The following ICA1 variants were observed in gnomAD, a reference collection of about 807,000 sequenced individuals.
ICA1 encodes the protein 69 kDa islet cell autoantigen.
Under a neutral mutation model 71.0 loss-of-function variants are expected in ICA1, and 40 were observed. The observed-to-expected ratio is 0.56, with a 90% confidence interval of 0.44 to 0.73. The LOEUF is 0.73. Ranked by LOEUF, ICA1 falls within the 30% of genes least tolerant of loss-of-function variation. The probability of loss-of-function intolerance (pLI) is 0.00; values close to 1 mark genes in which losing one functional copy is unlikely to be tolerated. For synonymous variants in ICA1, 207 were observed against 209.5 expected (o/e 0.99, Z 0.10); for missense variants, 578 against 576.5 (o/e 1.00, Z -0.03).
chr7:8,128,109 G>A lies in ICA1; in HGVS notation c.1094C>T (p.Pro365Leu). 6.2e-7 allele frequency: 1 copy of A among 1,614,188 alleles called. No individual in the cohort carries two copies. The highest frequency in any genetic ancestry group is 8.5e-7 in the Non-Finnish European group (1 of 1,180,028). Residue 365 changes from proline to leucine, a missense_variant, in exon 13 of 14, where the codon CCT becomes CTT. Coordinates refer to ENST00000402384, the MANE Select transcript of ICA1 (RefSeq NM_001136020.3). Reference sequence around the variant, plus strand: ...CAGGTCATCTTTGTCAGCACCTTCAGGTTCCGGGGTCCCTGCCACTGGTCC... The same window carrying A: ...CAGGTCATCTTTGTCAGCACCTTCAAGTTCCGGGGTCCCTGCCACTGGTCC... Reference protein sequence around the residue: ...CLGPVAGTPEPEGADKDDLLL... With the variant: ...CLGPVAGTPELEGADKDDLLL...
At chr7:8,257,090 T>TA (rs1810485822) in intron 1 of ICA1, among the ~76,000 whole-genome samples, 1 of 152,208 alleles carries the variant, frequency 6.6e-6, no homozygotes, top group Non-Finnish European at 1.5e-5. Context: ...GCTGTTTCAA[T>TA]AAAAACAATC....
intron 13 of ICA1, among the ~76,000 whole-genome samples, chr7:8,126,017 G>A (rs899188445): frequency 6.6e-6 from 1 of 152,224 alleles, no homozygotes; most frequent in Non-Finnish European, 1.5e-5. Flanking sequence ...CAGCCCCACT[G>A]TGGGCACTGA....
Position 8,127,947 on chromosome 7 carries a change from G to C in ICA1, c.1256C>G (p.Ala419Gly). ...AGGAAGGAAACCTGAGCCTGTCTGG[G>C]CCTTGGGGTCTGGCTCTCCCAGGGC... ...TMALGEPDPK[A>G]QTGSGFLPSQ... The change falls in exon 13 of 14, where the codon GCC (alanine) becomes GGC (glycine). Residue 419 changes from alanine (A) to glycine (G), a missense_variant. Transcript: ENST00000402384. 6.2e-7 allele frequency: 1 copy of C among 1,614,206 alleles called. No homozygotes were observed. Among genetic ancestry groups the C allele is most frequent in the South Asian group, 1.1e-5 (1 of 91,090 alleles).
chr7:8,232,407 G>A (rs906704981), intron 3 of ICA1, among the ~76,000 whole-genome samples, 183 bp downstream of exon 3: 2 of 152,176 alleles, frequency 1.3e-5, no homozygotes, highest in Admixed American at 6.5e-5. Context: ...GAGTAACTGA[G>A]GCATGGTGGT....
intron 1 of ICA1, among the ~76,000 whole-genome samples, chr7:8,251,446 G>T (rs1375121893): frequency 1.4e-5 from 2 of 147,864 alleles, no homozygotes; most frequent in Non-Finnish European, 3.0e-5. Flanking sequence ...CAGTAGACTA[G>T]GCAAGTGGCC....
chr7:8,185,617 T>C (rs1783661415), intron 6 of ICA1, among the ~76,000 whole-genome samples: 1 of 152,198 alleles, frequency 6.6e-6, no homozygotes, highest in Non-Finnish European at 1.5e-5. Flanking sequence ...TTAAGAACCA[T>C]CTGCCTGGAG....
chr7:8,169,346 A>G (rs1807407042), intron 6 of ICA1, among the ~76,000 whole-genome samples: 1 of 152,126 alleles, frequency 6.6e-6, no homozygotes, highest in African/African-American at 2.4e-5. Context: ...TCTTTGTGTA[A>G]ACACATTTTT....
Position 8,146,067 on chromosome 7 carries a change from G to C in ICA1, c.805-2095C>G, listed in dbSNP as rs146268809. Among the ~76,000 whole-genome samples the C allele has an allele frequency of 1.9e-3, 291 of 152,258 alleles. 1 individual carries two copies. The highest frequency in any genetic ancestry group is 6.6e-3 in the African/African-American group (276 of 41,566). ...AATGACTCCTATTTCTGGACATTTA[G>C]ATTAGTTCATTCAGTTAACAAATAG... On this transcript the variant is annotated intron_variant, in intron 8 of 13. Coordinates refer to ENST00000402384, the MANE Select transcript of ICA1 (RefSeq NM_001136020.3).
rs770445891 is a variant in ICA1 at position 8,143,981 on chromosome 7, C to T, written c.805-9G>A. The T allele has an allele frequency of 1.0e-5, 14 of 1,381,570 alleles. No homozygotes were observed. The highest frequency in any genetic ancestry group is 5.7e-5 in the Admixed American group (3 of 52,632). The allele number at this position is 1,381,570 out of a possible 1,614,324, so 85.6% of individuals were successfully genotyped here. The stretch of plus-strand genomic sequence containing the variant: ...ATAGGGTCTTGTAAGCTCTTGATCA[C>T]GAGCCATAGAAAAATGAAAAAGAAA... On this transcript the variant is annotated splice_polypyrimidine_tract_variant and intron_variant, in intron 8 of 13. Transcript: ENST00000402384.
intron 13 of ICA1, among the ~76,000 whole-genome samples, chr7:8,122,764 C>A (rs967298181): frequency 3.9e-5 from 6 of 152,210 alleles, no homozygotes; most frequent in Non-Finnish European, 7.3e-5. Flanking sequence ...GCAACGGCAT[C>A]TCAGAATTCG....
intron 6 of ICA1, among the ~76,000 whole-genome samples, chr7:8,172,567 C>T (rs1321395365): frequency 4.6e-5 from 7 of 152,110 alleles, no homozygotes; most frequent in Admixed American, 3.3e-4. Flanking sequence ...ATAGAGATGA[C>T]TATGAGACTT....
At position 8,143,431 on chromosome 7, in the gene ICA1, G is replaced by A. The variant is rs532549131; in HGVS notation, c.902+444C>T. ...AACACTTTCATATGATGATGCCTTA[G>A]TATGCATGTATCCCAGGGCAATTTC... On this transcript the variant is annotated intron_variant, in intron 9 of 13. Coordinates refer to ENST00000402384, the MANE Select transcript of ICA1 (RefSeq NM_001136020.3). Among the ~76,000 whole-genome samples the A allele has an allele frequency of 2.6e-5, 4 of 152,176 alleles. No individual in the cohort carries two copies. In the South Asian group the frequency reaches 8.3e-4, roughly 32 times the overall value.
chr7:8,120,158 G>A (rs1412856746), intron 13 of ICA1, among the ~76,000 whole-genome samples: 2 of 152,130 alleles, frequency 1.3e-5, no homozygotes, highest in African/African-American at 4.8e-5. Context: ...AACACACACA[G>A]GGTATCATTA....
At chr7:8,201,130 C>T (rs967585070) in intron 6 of ICA1, among the ~76,000 whole-genome samples, 5 of 152,146 alleles carry the variant, frequency 3.3e-5, no homozygotes, top group African/African-American at 1.2e-4. Context: ...GTCTATGTGC[C>T]TGACCTCCTC....
At chr7:8,142,083 A>G (rs913142795) in intron 9 of ICA1, 4 of 1,166,726 alleles carry the variant, frequency 3.4e-6, no homozygotes, top group South Asian at 1.3e-5. Context: ...TATAAATAAG[A>G]TAGACGCATA....
At chr7:8,178,238 C>T (rs1007051611) in intron 6 of ICA1, among the ~76,000 whole-genome samples, 2 of 152,094 alleles carry the variant, frequency 1.3e-5, no homozygotes, top group Admixed American at 1.3e-4. Context: ...TGTGCCATAC[C>T]TTCTAGGAAG....
At chr7:8,225,024 T>C (rs1413233696) in intron 4 of ICA1, among the ~76,000 whole-genome samples, 4 of 152,232 alleles carry the variant, frequency 2.6e-5, no homozygotes, top group African/African-American at 9.6e-5. Flanking sequence ...AGGTATCTGC[T>C]GGGTTTCTCC....
At chr7:8,243,397 G>A (rs1284983408) in intron 1 of ICA1, among the ~76,000 whole-genome samples, 1 of 152,112 alleles carries the variant, frequency 6.6e-6, no homozygotes, top group Non-Finnish European at 1.5e-5. Context: ...CAATAAACTA[G>A]GTATTGATGG....
At chr7:8,124,849 C>T (rs535040196) in intron 13 of ICA1, among the ~76,000 whole-genome samples, 11 of 151,864 alleles carry the variant, frequency 7.2e-5, no homozygotes, top group Non-Finnish European at 1.3e-4. Context: ...AGTGTAGTGG[C>T]GTGATCTCAG....
Sources: allele counts gnomAD v4.1 joint callset (sites outside exome capture counted in the v4.1 genomes callset), GRCh38; gene constraint gnomAD v4.1.1; transcripts MANE v1.5; gene names NCBI Gene and HGNC (gene_info 2026-07-23, HGNC 2026-07-21).